LHX9: variants seen among roughly 807,000 people sequenced by gnomAD.
The protein encoded by LHX9 is LIM/homeobox protein Lhx9.
A neutral mutation model predicts 36.5 loss-of-function variants in LHX9; 9 were observed. The ratio of observed to expected loss-of-function variants is 0.25; its 90% confidence interval spans 0.15 to 0.43. The LOEUF (loss-of-function observed/expected upper bound fraction) is 0.43. Among genes scored for constraint, LHX9 ranks in the 20% least tolerant of loss-of-function variants. LHX9 has a pLI of 1.00. For missense variants in LHX9, 464 were observed against 526.4 expected (o/e 0.88, Z 1.16); for synonymous variants, 211 against 212.1 (o/e 0.99, Z 0.04).
intron 3 of LHX9, among the ~76,000 whole-genome samples, chr1:197,923,088 A>C (rs1660037944): frequency 1.3e-5 from 2 of 152,232 alleles, no homozygotes; most frequent in Non-Finnish European, 2.9e-5. Context: ...CTAACTGAAG[A>C]GGAGAATCCT....
At chr1:197,916,556 G>A (rs189883582), upstream of LHX9, 5 of 646,356 alleles carry the variant, frequency 7.7e-6, no homozygotes, top group African/African-American at 3.6e-5. Flanking sequence ...CTGAACCGGG[G>A]AAGAGAATAA....
intron 3 of LHX9, among the ~76,000 whole-genome samples, chr1:197,923,342 C>T (rs953823233): frequency 1.3e-5 from 2 of 152,204 alleles, no homozygotes; most frequent in Admixed American, 1.3e-4. Flanking sequence ...TGTGCTGGGG[C>T]AGGAGATTTG....
In LHX9 at chr1:197,921,241, C is replaced by T. The variant is rs951304396; in HGVS notation, c.378-63C>T. 6.3e-6 allele frequency: 9 copies of T among 1,427,238 alleles called. No homozygotes were observed. In the Admixed American group the frequency reaches 1.1e-4, roughly 17 times the overall value. 88.4% of individuals were successfully genotyped at this position (1,427,238 alleles called of 1,614,324 possible). ...GCCACTGCAGACCAAACCCAGGTGT[C>T]GCGGGTGGGATATGGCTCTGCCTTG... On this transcript the variant is annotated intron_variant, in intron 2 of 4. Coordinates refer to ENST00000367387, the MANE Select transcript of LHX9 (RefSeq NM_020204.3). This position sits in a 1 kb window ranked among gnomAD's most constrained non-coding sequence, Gnocchi z 4.6.
chr1:197,925,465 A>C (rs555988426), intron 3 of LHX9, among the ~76,000 whole-genome samples: 1 of 152,344 alleles, frequency 6.6e-6, no homozygotes, highest in Admixed American at 6.5e-5. Context: ...GTTACATGTT[A>C]CATATGATAG....
At chr1:197,916,626 C>T (rs1444046261), upstream of LHX9, 2 of 702,740 alleles carry the variant, frequency 2.8e-6, no homozygotes, top group African/African-American at 1.7e-5. Context: ...GCCCTGTCCC[C>T]TACACTCTAA....
chr1:197,918,343 C>G (rs1425625548), intron 1 of LHX9: 1 of 717,430 alleles, frequency 1.4e-6, no homozygotes, highest in Non-Finnish European at 2.6e-6. Context: ...ATCCGCAGCT[C>G]CGAGGGCAAG....
chr1:197,913,203 A>G (rs924611063), upstream of LHX9: 4 of 152,386 alleles, frequency 2.6e-5, no homozygotes, highest in African/African-American at 9.6e-5. Context: ...GGGGCTATAG[A>G]GAACAGAGGT....
chr1:197,918,454 A>G (rs41299601), intron 1 of LHX9: 26,180 of 704,150 alleles, frequency 0.037, 1,232 homozygotes, highest in African/African-American at 0.18. Context: ...GGACCTGTGG[A>G]GTAGATTCCG....
chr1:197,922,217 C>T (rs1660015604), intron 3 of LHX9, among the ~76,000 whole-genome samples: 3 of 152,186 alleles, frequency 2.0e-5, no homozygotes, highest in African/African-American at 7.2e-5. Flanking sequence ...TCACTCTCCA[C>T]AGCTGAGCTA....
Position 197,927,574 on chromosome 1 carries a change from C to G in LHX9, c.734-17C>G. On this transcript the variant is annotated splice_polypyrimidine_tract_variant and intron_variant, in intron 3 of 4. Coordinates refer to ENST00000367387, the MANE Select transcript of LHX9 (RefSeq NM_020204.3). ...AATTTCCACTGAGCAGTTGTTTGTT[C>G]ACTGTTACTGCAACAGGTTGTAATG... 1 of 1,609,926 alleles carries G rather than the reference C, an allele frequency of 6.2e-7. No individual in the cohort carries two copies. The highest frequency in any genetic ancestry group is 8.5e-7 in the Non-Finnish European group (1 of 1,176,218).
upstream of LHX9, chr1:197,917,129 C>T (rs551565531): frequency 1.1e-3 from 413 of 363,288 alleles, 1 homozygote; most frequent in South Asian, 0.013. Context: ...CGCGCGCGCG[C>T]GTGTGTGTGT....
In LHX9 at chr1:197,919,280, G is replaced by T. The variant is rs112551904; in HGVS notation, c.175-692G>T. On this transcript the variant is annotated intron_variant, in intron 1 of 4. Coordinates refer to ENST00000367387, the MANE Select transcript of LHX9 (RefSeq NM_020204.3). The stretch of plus-strand genomic sequence containing the variant: ...CACTAAACAGATTTTCAAGACAAAG[G>T]TCTCAGTACGCCTGTTGATGCTAGG... Among the ~76,000 whole-genome samples, 864 of 152,314 alleles carry T rather than the reference G, an allele frequency of 5.7e-3. 11 individuals carry two copies. Among genetic ancestry groups the T allele is most frequent in the Non-Finnish European group, 8.0e-3 (545 of 68,026 alleles).
upstream of LHX9, among the ~76,000 whole-genome samples, chr1:197,913,454 T>G (rs896811078): frequency 3.3e-5 from 5 of 152,174 alleles, no homozygotes; most frequent in Admixed American, 2.6e-4. Flanking sequence ...TAGGACTGAA[T>G]CAGAAGTGCG....
At position 197,930,070 on chromosome 1, in the gene LHX9, GT is replaced by G; in HGVS notation, c.*813del. ...AATAGCTCGGAAACCATTCTTTCTA[GT>G]TACTTTTTTTCCCAGGGAAAATGGA... is the stretch of plus-strand genomic sequence containing the variant. On this transcript the variant is annotated 3_prime_UTR_variant, in exon 5 of 5. Transcript: ENST00000367387. The G allele has an allele frequency of 1.0e-6, 1 of 976,912 alleles. No homozygotes were observed. The highest frequency in any genetic ancestry group is 1.2e-6 in the Non-Finnish European group (1 of 822,232). The allele number at this position is 976,912 out of a possible 1,614,324, so 60.5% of individuals were successfully genotyped here. A position where few individuals can be genotyped will look rare whatever the true frequency, so the allele number is the denominator to read the frequency against.
chr1:197,918,068 G>A, intron 1 of LHX9, 71 bp downstream of exon 1: 2 of 1,530,460 alleles, frequency 1.3e-6, no homozygotes, highest in Admixed American at 4.2e-5. Context: ...CCGACTCCCT[G>A]GCCGGTGGAG....
rs568935713 is a variant in LHX9 at position 197,932,257 on chromosome 1, A to T, written c.*2998A>T. 31 of 295,190 alleles carry T rather than the reference A, an allele frequency of 1.1e-4. No individual in the cohort carries two copies. In the South Asian group the frequency reaches 4.1e-3, roughly 39 times the overall value. The allele number at this position is 295,190 out of a possible 1,614,324, so 18.3% of individuals were successfully genotyped here. ...ATATGCCCACCCCATATTTGAAAAA[A>T]ATTATTATTGAAAAAAATTTCACAC... On this transcript the variant is annotated 3_prime_UTR_variant, in exon 5 of 5. Transcript: ENST00000367387.
At chr1:197,912,565 T>C, upstream of LHX9, 1 of 1,613,950 alleles carries the variant, frequency 6.2e-7, no homozygotes, top group Non-Finnish European at 8.5e-7. Context: ...GGCAGGTGAG[T>C]TATGTGCCAG....
At chr1:197,927,177 T>C (rs942489380) in intron 3 of LHX9, among the ~76,000 whole-genome samples, 2 of 152,158 alleles carry the variant, frequency 1.3e-5, no homozygotes, top group African/African-American at 4.8e-5. Flanking sequence ...TCCAGAAATA[T>C]AGACAAAAGG....
chr1:197,929,982 T>C lies in LHX9; in HGVS notation c.*723T>C. On this transcript the variant is annotated 3_prime_UTR_variant, in exon 5 of 5. Transcript: ENST00000367387. ...TTGAAAAATACTTAAGCTCCCTATG[T>C]ATCCATGAAAATTCCGCATTGATTT... 11 of 984,792 alleles carry C rather than the reference T, an allele frequency of 1.1e-5. No homozygotes were observed. The highest frequency in any genetic ancestry group is 1.2e-5 in the Non-Finnish European group (10 of 829,226). 61.0% of individuals were successfully genotyped at this position (984,792 alleles called of 1,614,324 possible). A position where few individuals can be genotyped will look rare whatever the true frequency, so the allele number is the denominator to read the frequency against.
Sources: allele counts gnomAD v4.1 joint callset (sites outside exome capture counted in the v4.1 genomes callset), GRCh38; gene constraint gnomAD v4.1.1; non-coding constraint Gnocchi (gnomAD v3.1); transcripts MANE v1.5; gene names NCBI Gene and HGNC (gene_info 2026-07-23, HGNC 2026-07-21).